Variants in MAP4K3 observed in about 807,000 individuals in gnomAD.
The protein encoded by MAP4K3 is MAPK/ERK kinase kinase kinase 3.
A neutral mutation model predicts 143.5 loss-of-function variants in MAP4K3; 94 were observed. The ratio of observed to expected loss-of-function variants is 0.65; its 90% CI spans 0.55 to 0.78. The LOEUF (loss-of-function observed/expected upper bound fraction) is 0.78. Among genes scored for constraint, MAP4K3 ranks in the 30% least tolerant of loss-of-function variants. The pLI is 0.00. For missense variants in MAP4K3, 1,077 were observed against 1,068.1 expected (o/e 1.01, Z -0.12); for synonymous variants, 416 against 347.2 (o/e 1.20, Z -2.20).
intron 26 of MAP4K3, 194 bp downstream of exon 26, chr2:39,272,089 T>C: frequency 2.4e-6 from 1 of 422,166 alleles, no homozygotes; most frequent in Non-Finnish European, 4.2e-6. Flanking sequence ...ATGTCTGATA[T>C]AATTTGAAAG....
intron 1 of MAP4K3, among the ~76,000 whole-genome samples, chr2:39,411,327 A>G (rs1218911376): frequency 6.6e-6 from 1 of 152,228 alleles, no homozygotes; most frequent in East Asian, 1.9e-4. Flanking sequence ...AAATCATACT[A>G]GAAAGTTGTG....
At chr2:39,377,640 C>CTCAG (rs1287603172) in intron 2 of MAP4K3, among the ~76,000 whole-genome samples, 1 of 152,106 alleles carries the variant, frequency 6.6e-6, no homozygotes, top group Non-Finnish European at 1.5e-5. Flanking sequence ...AAAACTGAGA[C>CTCAG]TCAGAGACAT....
chr2:39,363,333 A>G (rs377353183), intron 2 of MAP4K3, among the ~76,000 whole-genome samples: 1 of 152,198 alleles, frequency 6.6e-6, no homozygotes, highest in Non-Finnish European at 1.5e-5. Context: ...CACTCCTACA[A>G]TGCAACAGCA....
At chr2:39,424,943 T>G (rs940105935) in intron 1 of MAP4K3, among the ~76,000 whole-genome samples, 2 of 152,122 alleles carry the variant, frequency 1.3e-5, no homozygotes, top group Admixed American at 6.5e-5. Flanking sequence ...CAAGAGTCAT[T>G]GCTCTTTTGA....
intron 2 of MAP4K3, among the ~76,000 whole-genome samples, chr2:39,364,476 GA>G (rs1665864184): frequency 6.6e-6 from 1 of 152,220 alleles, no homozygotes; most frequent in Non-Finnish European, 1.5e-5. Context: ...AAATATGAAT[GA>G]CCAGTGGTCT....
chr2:39,384,268 G>A lies in MAP4K3; in HGVS notation c.97-6145C>T, dbSNP rs529670028. Among the ~76,000 whole-genome samples the A allele has an allele frequency of 9.2e-5, 14 of 152,260 alleles. 1 individual carries two copies. The South Asian group carries it at 2.5e-3, about 27-fold the overall frequency. ...TCGGCCGGGCATGGTGGCTCAAGCC[G>A]GGCGTCGTGGCTCATGCCTGTAACC... On this transcript the variant is annotated intron_variant, in intron 1 of 33. Coordinates refer to ENST00000263881, the MANE Select transcript of MAP4K3 (RefSeq NM_003618.4).
At chr2:39,272,102 C>G (rs1401761479) in intron 26 of MAP4K3, 181 bp downstream of exon 26, 1 of 453,118 alleles carries the variant, frequency 2.2e-6, no homozygotes, top group Non-Finnish European at 3.9e-6. Flanking sequence ...TTTGAAAGTA[C>G]AAAGTAGAAA....
At chr2:39,333,188 T>C (rs1683735811) in intron 7 of MAP4K3, among the ~76,000 whole-genome samples, 1 of 152,142 alleles carries the variant, frequency 6.6e-6, no homozygotes, top group African/African-American at 2.4e-5. Context: ...TTTTTGGAGT[T>C]ACTGATTTTT....
chr2:39,252,712 G>C (rs945709534), intron 32 of MAP4K3, among the ~76,000 whole-genome samples: 1 of 152,192 alleles, frequency 6.6e-6, no homozygotes, highest in Non-Finnish European at 1.5e-5. Flanking sequence ...AAATGGATTT[G>C]AAATTAAATT....
chr2:39,309,567 T>C, intron 13 of MAP4K3, 48 bp from the exon 14 acceptor site: 1 of 1,263,938 alleles, frequency 7.9e-7, no homozygotes. Flanking sequence ...TTTTTTTTTT[T>C]TTTTTTTTGA....
intron 12 of MAP4K3, among the ~76,000 whole-genome samples, chr2:39,325,270 A>G (rs1472259178): frequency 6.6e-6 from 1 of 152,234 alleles, no homozygotes; most frequent in Admixed American, 6.5e-5. Flanking sequence ...TGATTTCAAC[A>G]AGTGGATTAA....
At chr2:39,360,897 A>C (rs957834011) in intron 2 of MAP4K3, among the ~76,000 whole-genome samples, 5 of 152,210 alleles carry the variant, frequency 3.3e-5, no homozygotes, top group Non-Finnish European at 2.9e-5. Flanking sequence ...GAATGACTCA[A>C]AATGAGATTT....
chr2:39,394,795 C>A (rs990554438), intron 1 of MAP4K3, among the ~76,000 whole-genome samples: 1 of 152,074 alleles, frequency 6.6e-6, no homozygotes. Context: ...AACAGAAAAA[C>A]GCCTGGCAGC....
intron 3 of MAP4K3, among the ~76,000 whole-genome samples, chr2:39,346,943 T>C (rs985030676): frequency 2.0e-5 from 3 of 151,982 alleles, no homozygotes; most frequent in African/African-American, 4.8e-5. Context: ...CTGATCTCTA[T>C]AGGTTAGTTG....
chr2:39,413,759 T>C lies in MAP4K3; in HGVS notation c.96+23133A>G, dbSNP rs192224693. 1.5e-3 allele frequency among the ~76,000 whole-genome samples: 226 copies of C among 151,892 alleles called. 1 individual carries two copies. The highest frequency in any genetic ancestry group is 4.8e-3 in the African/African-American group (197 of 41,392). On this transcript the variant is annotated intron_variant, in intron 1 of 33. Transcript: ENST00000263881. ...CTTCTCAGAACTACCTGTAGAGTTC[T>C]TGGCATACAAGATGCCCAGGCTCCA...
chr2:39,270,595 C>T (rs757739567), intron 26 of MAP4K3, among the ~76,000 whole-genome samples: 5 of 152,130 alleles, frequency 3.3e-5, no homozygotes, highest in East Asian at 1.9e-4. Context: ...GCTGAATATA[C>T]GTGGAGAGGC....
rs538160229 is a variant in MAP4K3 at position 39,403,199 on chromosome 2, C to A, written c.97-25076G>T. On this transcript the variant is annotated intron_variant, in intron 1 of 33. Transcript: ENST00000263881. ...ATAGGGGCAGAGCAAGAGGGCCGAA[C>A]AGGACTCCACCCACTGACACCCAGC... Among the ~76,000 whole-genome samples, 3 of 152,260 alleles carry A rather than the reference C, an allele frequency of 2.0e-5. No homozygotes were observed. In the East Asian group the frequency reaches 5.8e-4, roughly 29 times the overall value.
intron 14 of MAP4K3, among the ~76,000 whole-genome samples, chr2:39,308,646 A>AT (rs1435536311): frequency 2.6e-5 from 4 of 152,124 alleles, no homozygotes; most frequent in African/African-American, 9.7e-5. Flanking sequence ...CCAATGTCTC[A>AT]TTTTTTTATT....
intron 15 of MAP4K3, among the ~76,000 whole-genome samples, chr2:39,301,084 T>C (rs560242989): frequency 6.6e-6 from 1 of 151,436 alleles, no homozygotes; most frequent in East Asian, 1.9e-4. Context: ...AGCAATACAT[T>C]ACATTTAAGA....
Sources: allele counts gnomAD v4.1 joint callset (sites outside exome capture counted in the v4.1 genomes callset), GRCh38; gene constraint gnomAD v4.1.1; transcripts MANE v1.5; gene names NCBI Gene and HGNC (gene_info 2026-07-23, HGNC 2026-07-21).